TTLL11: variants seen among roughly 807,000 people sequenced by gnomAD.
The protein encoded by TTLL11 is tubulin tyrosine ligase like 11.
TTLL11 carries 42 observed loss-of-function variants against 51.7 expected under a neutral mutation model. The observed-to-expected ratio is 0.81, with a 90% CI of 0.64 to 1.05. The LOEUF is 1.05. TTLL11 is among the 50% of genes least tolerant of loss of function. The pLI is 0.00. For synonymous variants in TTLL11, 381 were observed against 383.5 expected (o/e 0.99, Z 0.08); for missense variants, 799 against 940.4 (o/e 0.85, Z 1.97).
At chr9:121,881,458 C>A (rs1194367602) in intron 6 of TTLL11, among the ~76,000 whole-genome samples, 1 of 152,192 alleles carries the variant, frequency 6.6e-6, no homozygotes, top group Non-Finnish European at 1.5e-5. Context: ...TATCCCAGGT[C>A]AGATACTCCC....
intron 4 of TTLL11, among the ~76,000 whole-genome samples, chr9:121,975,730 C>CAAAA (rs997349454): frequency 6.6e-6 from 1 of 151,898 alleles, no homozygotes; most frequent in East Asian, 1.9e-4. Context: ...AACAAACAAA[C>CAAAA]AAAAAAACCC....
At chr9:121,928,459 T>C (rs1166551885) in intron 6 of TTLL11, among the ~76,000 whole-genome samples, 1 of 140,790 alleles carries the variant, frequency 7.1e-6, no homozygotes. Context: ...TTTTTTTTTT[T>C]GAGATAGAAT....
chr9:122,059,713 T>C (rs1845393213), intron 1 of TTLL11, among the ~76,000 whole-genome samples: 1 of 152,220 alleles, frequency 6.6e-6, no homozygotes, highest in Admixed American at 6.5e-5. Flanking sequence ...CACAGTCCTT[T>C]AGGTCAGGAA....
chr9:121,840,588 G>T (rs775654727), intron 8 of TTLL11, among the ~76,000 whole-genome samples: 2 of 152,210 alleles, frequency 1.3e-5, no homozygotes, highest in Non-Finnish European at 2.9e-5. Flanking sequence ...TAGAGATGGG[G>T]TTTCACCATG....
intron 1 of TTLL11, among the ~76,000 whole-genome samples, chr9:122,079,359 G>A (rs1845941008): frequency 6.6e-6 from 1 of 152,082 alleles, no homozygotes; most frequent in Admixed American, 6.5e-5. Flanking sequence ...AGCTCTTAAT[G>A]TAACCCCCTC....
intron 6 of TTLL11, among the ~76,000 whole-genome samples, chr9:121,880,697 C>T (rs868230221): frequency 1.3e-5 from 2 of 152,224 alleles, no homozygotes; most frequent in Non-Finnish European, 2.9e-5. Context: ...TATGACTATA[C>T]CTACAGCCCC....
At chr9:121,921,540 C>A (rs930333985) in intron 6 of TTLL11, among the ~76,000 whole-genome samples, 3 of 152,182 alleles carry the variant, frequency 2.0e-5, no homozygotes, top group Non-Finnish European at 2.9e-5. Context: ...CACACCCTTT[C>A]AGAAGCACAG....
intron 8 of TTLL11, among the ~76,000 whole-genome samples, chr9:121,828,150 A>T (rs1047524745): frequency 6.0e-5 from 9 of 149,930 alleles, no homozygotes; most frequent in Admixed American, 3.3e-4. Context: ...ATGTATTGTC[A>T]CTTAGTGATA....
Position 121,890,854 on chromosome 9 carries a change from G to A in TTLL11, c.1482-20106C>T, listed in dbSNP as rs1337384834. 6.6e-6 allele frequency among the ~76,000 whole-genome samples: 1 copy of A among 152,096 alleles called. No homozygotes were observed. Among genetic ancestry groups the A allele is most frequent in the Non-Finnish European group, 1.5e-5 (1 of 68,024 alleles). ...TGCAGAGTGAAGTCTAAACTCTCTGGCCTGGTCAAGCCCTTGACTTTGGGT... is the reference window on the plus strand; with the variant it reads ...TGCAGAGTGAAGTCTAAACTCTCTGACCTGGTCAAGCCCTTGACTTTGGGT... On this transcript the variant is annotated intron_variant, in intron 6 of 8. Coordinates refer to ENST00000321582, the MANE Select transcript of TTLL11 (RefSeq NM_001139442.2). This position sits in a 1 kb window ranked among gnomAD's most constrained non-coding sequence, Gnocchi z 4.3.
chr9:121,834,099 C>G (rs1474563276), intron 8 of TTLL11, among the ~76,000 whole-genome samples: 5 of 152,200 alleles, frequency 3.3e-5, no homozygotes, highest in Non-Finnish European at 7.3e-5. Flanking sequence ...TGCTTCCTAT[C>G]TGTGTAGTGA....
chr9:121,869,889 T>G (rs367931999), intron 7 of TTLL11, among the ~76,000 whole-genome samples: 1 of 152,334 alleles, frequency 6.6e-6, no homozygotes, highest in South Asian at 2.1e-4. Context: ...GGGAAATTAA[T>G]GTGTAATCTC....
chr9:121,903,623 A>G (rs1002198466), intron 6 of TTLL11, among the ~76,000 whole-genome samples: 1 of 152,226 alleles, frequency 6.6e-6, no homozygotes, highest in Non-Finnish European at 1.5e-5. Flanking sequence ...TTATATAAAT[A>G]TATACATGTA....
At chr9:122,045,417 G>A (rs1002971800) in intron 1 of TTLL11, among the ~76,000 whole-genome samples, 17 of 152,266 alleles carry the variant, frequency 1.1e-4, no homozygotes, top group Admixed American at 3.3e-4. Context: ...GCCGGGCGTC[G>A]TGGCGCGCCT....
intron 2 of TTLL11, among the ~76,000 whole-genome samples, chr9:122,037,327 G>T (rs564469257): frequency 3.9e-5 from 6 of 152,306 alleles, no homozygotes; most frequent in African/African-American, 1.4e-4. Context: ...AAACTGTTGG[G>T]TAAGAACTCT....
intron 6 of TTLL11, among the ~76,000 whole-genome samples, chr9:121,933,488 G>A (rs931421501): frequency 5.3e-5 from 8 of 152,230 alleles, no homozygotes; most frequent in Admixed American, 4.6e-4. Flanking sequence ...TTAGAAATCC[G>A]GACCTCTGTC....
chr9:121,842,071 A>G (rs1588062679), intron 8 of TTLL11, among the ~76,000 whole-genome samples: 1 of 152,194 alleles, frequency 6.6e-6, no homozygotes, highest in African/African-American at 2.4e-5. Flanking sequence ...ATATTTGTGG[A>G]CTATCTCAAA....
chr9:121,895,601 GTA>G (rs1242124846), intron 6 of TTLL11, among the ~76,000 whole-genome samples: 13 of 150,784 alleles, frequency 8.6e-5, no homozygotes, highest in Non-Finnish European at 1.8e-4. Context: ...GTGTGGTTGT[GTA>G]TGTGTGTCTG....
chr9:121,894,244 G>T (rs578002616), intron 6 of TTLL11, among the ~76,000 whole-genome samples: 3 of 152,332 alleles, frequency 2.0e-5, no homozygotes, highest in Admixed American at 1.3e-4. Context: ...GTGCTGAGAT[G>T]GAGACACAGA....
At chr9:121,838,320 C>T (rs1837237563) in intron 8 of TTLL11, among the ~76,000 whole-genome samples, 1 of 152,194 alleles carries the variant, frequency 6.6e-6, no homozygotes. Flanking sequence ...CTGCCCTCCC[C>T]CACCTGAGCA....
Sources: gnomAD v4.1 joint callset for allele counts (sites outside exome capture counted in the v4.1 genomes callset) on GRCh38, gnomAD v4.1.1 for gene constraint, Gnocchi (gnomAD v3.1) non-coding constraint, MANE v1.5 for transcripts, NCBI Gene and HGNC (gene_info 2026-07-23, HGNC 2026-07-21) for gene names.